EXOSC6: variants seen among roughly 807,000 people sequenced by gnomAD.
EXOSC6 encodes the protein exosome component 6.
In EXOSC6, 21 loss-of-function variants were observed where a neutral mutation model predicts 16.7. That is an observed-to-expected ratio of 1.26 (90% confidence interval 0.89 to 1.82). EXOSC6 has a LOEUF of 1.82. EXOSC6 is among the 40% of genes most tolerant of loss of function. The probability of loss-of-function intolerance (pLI) is 0.00; values close to 1 mark genes in which losing one functional copy is unlikely to be tolerated. For missense variants in EXOSC6, 538 were observed against 415.7 expected (o/e 1.29, Z -2.56); for synonymous variants, 297 against 217.1 (o/e 1.37, Z -3.24).
Position 70,251,056 on chromosome 16 carries a change from C to T in EXOSC6, c.*26G>A, listed in dbSNP as rs776710679. 3 of 1,445,520 alleles carry T rather than the reference C, an allele frequency of 2.1e-6. No individual in the cohort carries two copies. Among genetic ancestry groups the T allele is most frequent in the South Asian group, 2.9e-5 (2 of 68,234 alleles). 89.5% of individuals were successfully genotyped at this position (1,445,520 alleles called of 1,614,324 possible). Reference sequence around the variant, plus strand: ...CGGCGGCAGCACGGTCCTCGGCTTGCGTCCGTAGTTGCTCAGGCTTCTGGT... The same window carrying T: ...CGGCGGCAGCACGGTCCTCGGCTTGTGTCCGTAGTTGCTCAGGCTTCTGGT... On this transcript the variant is annotated 3_prime_UTR_variant, in exon 1 of 1. Transcript: ENST00000435634.
In EXOSC6 at chr16:70,251,870, G is replaced by A. The variant is rs745478628; in HGVS notation, c.31C>T (p.Pro11Ser). 25 of 1,550,480 alleles carry A rather than the reference G, an allele frequency of 1.6e-5. No individual in the cohort carries two copies. In the East Asian group the frequency reaches 5.7e-4, roughly 35 times the overall value. ...AGCTGCGGCGGCTGCGATTCTTCAG[G>A]GCCGCGGATGCGGCGGTGATCCCCA... MPGDHRRIRGPEESQPPQLYA... is the reference protein window; with the variant it reads MPGDHRRIRGSEESQPPQLYA... Residue 11 changes from proline to serine, a missense_variant, in exon 1 of 1, where the codon CCT becomes TCT. Coordinates refer to ENST00000435634, the MANE Select transcript of EXOSC6 (RefSeq NM_058219.3).
rs1959727605 is a variant in EXOSC6, at chr16:70,248,060, A to C, written c.*3022T>G. The C allele has an allele frequency of 6.6e-6, 1 of 152,206 alleles. No individual in the cohort carries two copies. The highest frequency in any genetic ancestry group is 2.4e-5 in the African/African-American group (1 of 41,454). 9.4% of individuals were successfully genotyped at this position (152,206 alleles called of 1,614,324 possible). Reference sequence around the variant, plus strand: ...ATAGAGCAAGATTTCGTCTCAAAAAAAAAGAGAAAAAGAAAACCATTATTT... The same window carrying C: ...ATAGAGCAAGATTTCGTCTCAAAAACAAAGAGAAAAAGAAAACCATTATTT... On this transcript the variant is annotated 3_prime_UTR_variant, in exon 1 of 1. Transcript: ENST00000435634.
Position 70,247,605 on chromosome 16 carries a change from T to A in EXOSC6, c.*3477A>T, listed in dbSNP as rs1427277732. The A allele has an allele frequency of 6.6e-6, 1 of 152,186 alleles. No individual in the cohort carries two copies. The highest frequency in any genetic ancestry group is 2.4e-5 in the African/African-American group (1 of 41,458). 9.4% of individuals were successfully genotyped at this position (152,186 alleles called of 1,614,324 possible). A position where few individuals can be genotyped will look rare whatever the true frequency, so the allele number is the denominator to read the frequency against. On this transcript the variant is annotated 3_prime_UTR_variant, in exon 1 of 1. Transcript: ENST00000435634. ...AACATGCAGGCTCAGGTTACCATTA[T>A]ACATAAATTTTTAAAATAAATATAT...
chr16:70,250,400 G>T lies in EXOSC6; in HGVS notation c.*682C>A, dbSNP rs1017671428. On this transcript the variant is annotated 3_prime_UTR_variant, in exon 1 of 1. Coordinates refer to ENST00000435634, the MANE Select transcript of EXOSC6 (RefSeq NM_058219.3). ...AGAAATTTACTCAGCTGGGCACAGT[G>T]GCTCACACCTGTAATTCCAGCACTT... 6.6e-6 allele frequency: 1 copy of T among 152,266 alleles called. No individual in the cohort carries two copies. The highest frequency in any genetic ancestry group is 2.4e-5 in the African/African-American group (1 of 41,456). 9.4% of individuals were successfully genotyped at this position (152,266 alleles called of 1,614,324 possible). A position where few individuals can be genotyped will look rare whatever the true frequency, so the allele number is the denominator to read the frequency against.
At position 70,250,933 on chromosome 16, in the gene EXOSC6, C is replaced by T. The variant is rs1007834985; in HGVS notation, c.*149G>A. 3 of 1,007,096 alleles carry T rather than the reference C, an allele frequency of 3.0e-6. No homozygotes were observed. Among genetic ancestry groups the T allele is most frequent in the Non-Finnish European group, 4.0e-6 (3 of 745,484 alleles). 62.4% of individuals were successfully genotyped at this position (1,007,096 alleles called of 1,614,324 possible). A position where few individuals can be genotyped will look rare whatever the true frequency, so the allele number is the denominator to read the frequency against. On this transcript the variant is annotated 3_prime_UTR_variant, in exon 1 of 1. Coordinates refer to ENST00000435634, the MANE Select transcript of EXOSC6 (RefSeq NM_058219.3). ...GTCCCTGCTCCAGACCAAGTCCCACCATCTGGCAGTCAGGTCAGTCCAACC... is the reference window on the plus strand; with the variant it reads ...GTCCCTGCTCCAGACCAAGTCCCACTATCTGGCAGTCAGGTCAGTCCAACC...
chr16:70,251,355 G>C lies in EXOSC6; in HGVS notation c.546C>G (p.Gly182=), dbSNP rs773952157. Residue 182 remains glycine (G), a synonymous_variant, in exon 1 of 1, where the codon GGC becomes GGG. Coordinates refer to ENST00000435634, the MANE Select transcript of EXOSC6 (RefSeq NM_058219.3). ...AGVEMYDLVV[G]CGLSLAPGPA... ...GCCCCGGCGCGAGGCTGAGGCCGCA[G>C]CCCACCACCAGGTCGTACATCTCCA... 2.0e-5 allele frequency: 28 copies of C among 1,383,476 alleles called. No individual in the cohort carries two copies. The highest frequency in any genetic ancestry group is 2.5e-5 in the Non-Finnish European group (27 of 1,074,646). 85.7% of individuals were successfully genotyped at this position (1,383,476 alleles called of 1,614,324 possible).
At position 70,251,049 on chromosome 16, in the gene EXOSC6, C is replaced by T; in HGVS notation, c.*33G>A. The T allele has an allele frequency of 1.2e-5, 17 of 1,439,436 alleles. No individual in the cohort carries two copies. Among genetic ancestry groups the T allele is most frequent in the Non-Finnish European group, 1.5e-5 (17 of 1,105,632 alleles). The allele number at this position is 1,439,436 out of a possible 1,614,324, so 89.2% of individuals were successfully genotyped here. ...TCGTGGACGGCGGCAGCACGGTCCT[C>T]GGCTTGCGTCCGTAGTTGCTCAGGC... On this transcript the variant is annotated 3_prime_UTR_variant, in exon 1 of 1. Transcript: ENST00000435634.
rs1300846843 is a variant in EXOSC6 at position 70,251,759 on chromosome 16, G to A, written c.142C>T (p.Gln48Ter). The A allele has an allele frequency of 1.4e-6, 2 of 1,431,872 alleles. No homozygotes were observed. Among genetic ancestry groups the A allele is most frequent in the Non-Finnish European group, 1.8e-6 (2 of 1,104,234 alleles). The allele number at this position is 1,431,872 out of a possible 1,614,324, so 88.7% of individuals were successfully genotyped here. Residue 48 changes from glutamine to a stop codon, truncating the protein, a stop_gained, in exon 1 of 1, where the codon CAG becomes TAG. Transcript: ENST00000435634. LOFTEE classifies it high-confidence loss of function. ...PVYARAGLLS[Q>*]AKGSAYLEAG... ...TCCAGGTAGGCCGAGCCCTTGGCCT[G>A]GCTCAGCAGCCCGGCGCGCGCGTAC...
rs1304912767 is a variant in EXOSC6 at position 70,250,877 on chromosome 16, CTGT to C, written c.*202_*204del. ...TCCACCACAAGCGCAGCTCCAGGGGCTGTTGAGTTTTGCCTTTATCATTCCAAG... is the reference window on the plus strand; with the variant it reads ...TCCACCACAAGCGCAGCTCCAGGGGCTGAGTTTTGCCTTTATCATTCCAAG... On this transcript the variant is annotated 3_prime_UTR_variant, in exon 1 of 1. Coordinates refer to ENST00000435634, the MANE Select transcript of EXOSC6 (RefSeq NM_058219.3). 11 of 522,894 alleles carry C rather than the reference CTGT, an allele frequency of 2.1e-5. No individual in the cohort carries two copies. The highest frequency in any genetic ancestry group is 1.1e-3 in the Middle Eastern group (2 of 1,872). The allele number at this position is 522,894 out of a possible 1,614,324, so 32.4% of individuals were successfully genotyped here.
In EXOSC6 at chr16:70,251,101, C is replaced by T; in HGVS notation, c.800G>A (p.Gly267Asp). 1 of 1,493,096 alleles carries T rather than the reference C, an allele frequency of 6.7e-7. No individual in the cohort carries two copies. Among genetic ancestry groups the T allele is most frequent in the Non-Finnish European group, 8.8e-7 (1 of 1,134,474 alleles). 92.5% of individuals were successfully genotyped at this position (1,493,096 alleles called of 1,614,324 possible). A position where few individuals can be genotyped will look rare whatever the true frequency, so the allele number is the denominator to read the frequency against. ...TCTGGTTCAGGGCTGGGCGGCGGCG[C>T]CCCTGCGGCGGGCGGCCCGCACCAG... is the stretch of plus-strand genomic sequence containing the variant. ...QSLVRAARRR[G>D]AAAQP The change falls in exon 1 of 1, where the codon GGC becomes GAC. Residue 267 changes from glycine (G) to aspartate (D), a missense_variant. Physicochemically the swap from Gly to Asp is moderately conservative, Grantham distance 94. Coordinates refer to ENST00000435634, the MANE Select transcript of EXOSC6 (RefSeq NM_058219.3).
In EXOSC6 at chr16:70,246,929, C is replaced by A; in HGVS notation, c.*4153G>T. ...TTGTTTTCCATCTGATTCCTCAGTT[C>A]CTCACACACACAACCATCCCCCTCA... On this transcript the variant is annotated 3_prime_UTR_variant, in exon 1 of 1. Transcript: ENST00000435634. 1 of 562,854 alleles carries A rather than the reference C, an allele frequency of 1.8e-6. No individual in the cohort carries two copies. Among genetic ancestry groups the A allele is most frequent in the Admixed American group, 2.0e-5 (1 of 50,946 alleles). 34.9% of individuals were successfully genotyped at this position (562,854 alleles called of 1,614,324 possible). A position where few individuals can be genotyped will look rare whatever the true frequency, so the allele number is the denominator to read the frequency against.
rs1323583769 is a variant in EXOSC6, at chr16:70,251,050, G to C, written c.*32C>G. On this transcript the variant is annotated 3_prime_UTR_variant, in exon 1 of 1. Coordinates refer to ENST00000435634, the MANE Select transcript of EXOSC6 (RefSeq NM_058219.3). ...CGTGGACGGCGGCAGCACGGTCCTC[G>C]GCTTGCGTCCGTAGTTGCTCAGGCT... The C allele has an allele frequency of 1.4e-6, 2 of 1,439,476 alleles. No individual in the cohort carries two copies. The highest frequency in any genetic ancestry group is 2.9e-5 in the South Asian group (2 of 68,058). The allele number at this position is 1,439,476 out of a possible 1,614,324, so 89.2% of individuals were successfully genotyped here.
In EXOSC6 at chr16:70,251,050, G is replaced by T; in HGVS notation, c.*32C>A. On this transcript the variant is annotated 3_prime_UTR_variant, in exon 1 of 1. Coordinates refer to ENST00000435634, the MANE Select transcript of EXOSC6 (RefSeq NM_058219.3). ...CGTGGACGGCGGCAGCACGGTCCTC[G>T]GCTTGCGTCCGTAGTTGCTCAGGCT... The T allele has an allele frequency of 7.6e-6, 11 of 1,439,476 alleles. No individual in the cohort carries two copies. The highest frequency in any genetic ancestry group is 9.9e-6 in the Non-Finnish European group (11 of 1,105,668). The allele number at this position is 1,439,476 out of a possible 1,614,324, so 89.2% of individuals were successfully genotyped here.
At position 70,251,475 on chromosome 16, in the gene EXOSC6, C is replaced by T. The variant is rs1263658389; in HGVS notation, c.426G>A (p.Ala142=). The T allele has an allele frequency of 7.5e-7, 1 of 1,325,366 alleles. No individual in the cohort carries two copies. The highest frequency in any genetic ancestry group is 9.6e-7 in the Non-Finnish European group (1 of 1,036,572). 82.1% of individuals were successfully genotyped at this position (1,325,366 alleles called of 1,614,324 possible). A position where few individuals can be genotyped will look rare whatever the true frequency, so the allele number is the denominator to read the frequency against. ...PAVRLGRYPR[A]QLEVSALLLE... ...GCAGCAGCGCCGACACCTCGAGCTG[C>T]GCGCGCGGGTAGCGGCCCAGGCGCA... is the stretch of plus-strand genomic sequence containing the variant. Residue 142 remains alanine (A), a synonymous_variant, in exon 1 of 1, where the codon GCG becomes GCA. Transcript: ENST00000435634.
rs1209381483 is a variant in EXOSC6 at position 70,251,706 on chromosome 16, G to A, written c.195C>T (p.Ala65=). Residue 65 remains alanine, a synonymous_variant, in exon 1 of 1, where the codon GCC becomes GCT. Transcript: ENST00000435634. Reference sequence around the variant, plus strand: ...CCTCGGCCTGTCGCGGGCCCGACACGGCACACAGCACCTTGGTGCCTCCCG... The same window carrying A: ...CCTCGGCCTGTCGCGGGCCCGACACAGCACACAGCACCTTGGTGCCTCCCG... The part of the protein sequence containing the change: ...LEAGGTKVLC[A]VSGPRQAEGG... The A allele has an allele frequency of 7.5e-7, 1 of 1,326,012 alleles. No individual in the cohort carries two copies. Among genetic ancestry groups the A allele is most frequent in the Non-Finnish European group, 9.6e-7 (1 of 1,043,084 alleles). 82.1% of individuals were successfully genotyped at this position (1,326,012 alleles called of 1,614,324 possible).
In EXOSC6 at chr16:70,251,473, T is replaced by C. The variant is rs1216357031; in HGVS notation, c.428A>G (p.Gln143Arg). 7.5e-7 allele frequency: 1 copy of C among 1,325,798 alleles called. No individual in the cohort carries two copies. The highest frequency in any genetic ancestry group is 9.6e-7 in the Non-Finnish European group (1 of 1,037,024). 82.1% of individuals were successfully genotyped at this position (1,325,798 alleles called of 1,614,324 possible). A position where few individuals can be genotyped will look rare whatever the true frequency, so the allele number is the denominator to read the frequency against. ...AVRLGRYPRA[Q>R]LEVSALLLED... ...CAGCAGCAGCGCCGACACCTCGAGC[T>C]GCGCGCGCGGGTAGCGGCCCAGGCG... The change falls in exon 1 of 1, where the codon CAG becomes CGG. Residue 143 changes from glutamine to arginine, a missense_variant. Transcript: ENST00000435634.
Position 70,251,845 on chromosome 16 carries a change from AGCTGCGGCG to A in EXOSC6, c.47_55del (p.Pro16_Gln18del). On this transcript the variant is annotated inframe_deletion, in exon 1 of 1. Transcript: ENST00000435634. The stretch of plus-strand genomic sequence containing the variant: ...CGCCTCCTCCTCGTCGGCCGCGTAC[AGCTGCGGCG>A]GCTGCGATTCTTCAGGGCCGCGGAT... The A allele has an allele frequency of 4.5e-6, 7 of 1,555,658 alleles. No homozygotes were observed. Among genetic ancestry groups the A allele is most frequent in the Non-Finnish European group, 5.2e-6 (6 of 1,161,194 alleles).
At position 70,246,967 on chromosome 16, in the gene EXOSC6, A is replaced by T; in HGVS notation, c.*4115T>A. On this transcript the variant is annotated 3_prime_UTR_variant, in exon 1 of 1. Transcript: ENST00000435634. ...ACCATCCCCCTCACCCCATGATCTG[A>T]AAAGCGAAATGAGGAATTCACCCTA... 1.1e-5 allele frequency: 6 copies of T among 533,824 alleles called. No homozygotes were observed. Among genetic ancestry groups the T allele is most frequent in the Non-Finnish European group, 2.2e-5 (6 of 276,418 alleles). 33.1% of individuals were successfully genotyped at this position (533,824 alleles called of 1,614,324 possible).
Position 70,251,901 on chromosome 16 carries a change from G to T in EXOSC6, c.-1C>A, listed in dbSNP as rs1379507152. On this transcript the variant is annotated 5_prime_UTR_variant, in exon 1 of 1. Transcript: ENST00000435634. ...GGATGCGGCGGTGATCCCCAGGCAT[G>T]GCGGTTCTTGGCGTGCGAACCCCTT... is the stretch of plus-strand genomic sequence containing the variant. 6.6e-7 allele frequency: 1 copy of T among 1,521,292 alleles called. No individual in the cohort carries two copies. Among genetic ancestry groups the T allele is most frequent in the African/African-American group, 1.4e-5 (1 of 69,830 alleles). The allele number at this position is 1,521,292 out of a possible 1,614,324, so 94.2% of individuals were successfully genotyped here.
Sources: gnomAD v4.1 joint callset for allele counts on GRCh38, gnomAD v4.1.1 for gene constraint, MANE v1.5 for transcripts, NCBI Gene and HGNC (gene_info 2026-07-23, HGNC 2026-07-21) for gene names.